Variants in SLC25A21 observed in about 807,000 individuals in gnomAD.
The protein encoded by SLC25A21 is solute carrier family 25 member 21.
A neutral mutation model predicts 43.8 loss-of-function variants in SLC25A21; 47 were observed. That is an observed-to-expected ratio of 1.07 (90% CI 0.85 to 1.37). SLC25A21 has a LOEUF of 1.37. Ranked by LOEUF, SLC25A21 falls within the 40% of genes most tolerant of loss-of-function variation. The pLI, the probability that SLC25A21 is intolerant of heterozygous loss-of-function variation, is 0.00. For synonymous variants in SLC25A21, 131 were observed against 121.3 expected (o/e 1.08, Z -0.52); for missense variants, 352 against 350.2 (o/e 1.00, Z -0.04).
intron 1 of SLC25A21, among the ~76,000 whole-genome samples, chr14:36,920,142 T>G (rs1891941372): frequency 6.6e-6 from 1 of 152,040 alleles, no homozygotes; most frequent in Admixed American, 6.6e-5. Context: ...TTAAGATTCT[T>G]TTTTCTATTT....
At chr14:37,122,999 C>T (rs1246506210) in intron 1 of SLC25A21, among the ~76,000 whole-genome samples, 2 of 152,176 alleles carry the variant, frequency 1.3e-5, no homozygotes, top group African/African-American at 4.8e-5. Context: ...TTCTCAAAAG[C>T]TGAAGTGAAA....
At chr14:36,809,949 G>A (rs1290760621) in intron 3 of SLC25A21, among the ~76,000 whole-genome samples, 1 of 152,068 alleles carries the variant, frequency 6.6e-6, no homozygotes, top group Non-Finnish European at 1.5e-5. Flanking sequence ...TTTAACTAGG[G>A]AAAAAAATTA....
chr14:37,055,474 C>T (rs965898655), intron 1 of SLC25A21, among the ~76,000 whole-genome samples: 4 of 152,146 alleles, frequency 2.6e-5, no homozygotes, highest in African/African-American at 9.7e-5. Flanking sequence ...TAGCAGCTTC[C>T]TTGACCCAAG....
chr14:36,995,752 T>C (rs1960358065), intron 1 of SLC25A21, among the ~76,000 whole-genome samples: 2 of 152,298 alleles, frequency 1.3e-5, no homozygotes, highest in Middle Eastern at 3.4e-3. Flanking sequence ...CTGAATTAAA[T>C]GGTATGTGGA....
intron 1 of SLC25A21, among the ~76,000 whole-genome samples, chr14:37,053,065 T>A (rs536887925): frequency 6.6e-6 from 1 of 152,342 alleles, no homozygotes; most frequent in African/African-American, 2.4e-5. Context: ...ATCTGTTTTA[T>A]TTTGAGATAG....
At chr14:37,150,700 T>C (rs532884912) in intron 1 of SLC25A21, among the ~76,000 whole-genome samples, 1 of 152,278 alleles carries the variant, frequency 6.6e-6, no homozygotes, top group South Asian at 2.1e-4. Flanking sequence ...TCTGCACAAG[T>C]ACAGAATAGT....
intron 1 of SLC25A21, among the ~76,000 whole-genome samples, chr14:37,132,333 G>C (rs1231619817): frequency 6.6e-6 from 1 of 152,128 alleles, no homozygotes; most frequent in Non-Finnish European, 1.5e-5. Flanking sequence ...AAGCAGAGGA[G>C]CTGGAATTCA....
intron 1 of SLC25A21, among the ~76,000 whole-genome samples, chr14:37,134,087 C>G (rs911525061): frequency 1.3e-5 from 2 of 152,054 alleles, no homozygotes; most frequent in Non-Finnish European, 2.9e-5. Context: ...AATCAAAAAG[C>G]TATAAACTAT....
chr14:37,133,662 A>T (rs1304444395), intron 1 of SLC25A21, among the ~76,000 whole-genome samples: 1 of 149,692 alleles, frequency 6.7e-6, no homozygotes, highest in African/African-American at 2.5e-5. Context: ...GCCCTAACCC[A>T]CCTCTATAAC....
rs139067554 is a variant in SLC25A21, at chr14:36,904,505, C to T, written c.71-29501G>A. Among the ~76,000 whole-genome samples the T allele has an allele frequency of 3.2e-3, 489 of 152,270 alleles. 3 individuals carry two copies. Among genetic ancestry groups the T allele is most frequent in the African/African-American group, 0.011 (458 of 41,550 alleles). On this transcript the variant is annotated intron_variant, in intron 1 of 9. Coordinates refer to ENST00000331299, the MANE Select transcript of SLC25A21 (RefSeq NM_030631.4). ...AAGGAAGTTCTTGATTTTTCTCCCT[C>T]TTCAATCAAATGTTCTCTCGTTGTA...
intron 1 of SLC25A21, among the ~76,000 whole-genome samples, chr14:36,982,116 T>A (rs1960038889): frequency 6.9e-6 from 1 of 145,142 alleles, no homozygotes; most frequent in South Asian, 2.1e-4. Flanking sequence ...ACTGTCAACA[T>A]GATGTGATCT....
At chr14:36,956,160 GT>G (rs1316354837) in intron 1 of SLC25A21, among the ~76,000 whole-genome samples, 3 of 152,170 alleles carry the variant, frequency 2.0e-5, no homozygotes, top group African/African-American at 4.8e-5. Flanking sequence ...GAGCCTCGGA[GT>G]TAAGAGAGTC....
At position 37,040,359 on chromosome 14, in the gene SLC25A21, A is replaced by AAGAG. The variant is rs536517266; in HGVS notation, c.70+131918_70+131921dup. Among the ~76,000 whole-genome samples, 241 of 40,134 alleles carry AAGAG rather than the reference A, an allele frequency of 6.0e-3. 46 individuals carry two copies. The highest frequency in any genetic ancestry group is 0.046 in the Admixed American group (179 of 3,902). The allele number at this position is 40,134 out of a possible 152,430, so 26.3% of individuals were successfully genotyped here. The stretch of plus-strand genomic sequence containing the variant: ...AAGGAAGGAAGGAAGGAAGGAAAGA[A>AAGAG]AGAGAGAGAGAGAGAGAAAGAAAGA... On this transcript the variant is annotated intron_variant, in intron 1 of 9. Coordinates refer to ENST00000331299, the MANE Select transcript of SLC25A21 (RefSeq NM_030631.4).
At chr14:37,170,208 G>A (rs1019179172) in intron 1 of SLC25A21, among the ~76,000 whole-genome samples, 3 of 151,080 alleles carry the variant, frequency 2.0e-5, no homozygotes, top group African/African-American at 7.3e-5. Flanking sequence ...GCTGATTTTT[G>A]TATTTTTAGT....
rs528998139 is a variant in SLC25A21 at position 36,978,959 on chromosome 14, G to T, written c.71-103955C>A. On this transcript the variant is annotated intron_variant, in intron 1 of 9. Coordinates refer to ENST00000331299, the MANE Select transcript of SLC25A21 (RefSeq NM_030631.4). ...AAAAATTAGCCAGACGTGCTGCCAC[G>T]CACCTGCAATCCCAGCTACTCAGGA... 7.9e-5 allele frequency among the ~76,000 whole-genome samples: 12 copies of T among 152,238 alleles called. No individual in the cohort carries two copies. The South Asian group carries it at 1.5e-3, about 18-fold the overall frequency.
intron 1 of SLC25A21, among the ~76,000 whole-genome samples, chr14:37,064,415 T>C (rs995914820): frequency 6.7e-6 from 1 of 149,244 alleles, no homozygotes; most frequent in African/African-American, 2.4e-5. Context: ...AATTCTCTTG[T>C]CTCTCTCTCT....
At chr14:36,802,397 C>T (rs1346514726) in intron 3 of SLC25A21, among the ~76,000 whole-genome samples, 1 of 151,976 alleles carries the variant, frequency 6.6e-6, no homozygotes, top group Non-Finnish European at 1.5e-5. Context: ...TAATTGGCTA[C>T]AATATAAGGT....
intron 1 of SLC25A21, among the ~76,000 whole-genome samples, chr14:37,044,179 A>G (rs2180600): frequency 0.41 from 61,748 of 151,636 alleles, 13,595 homozygotes; most frequent in African/African-American, 0.59. Context: ...ACTCAAGCAG[A>G]TAAAGGAACA....
chr14:36,939,309 G>A (rs200206636), intron 1 of SLC25A21, among the ~76,000 whole-genome samples: 4 of 151,384 alleles, frequency 2.6e-5, no homozygotes, highest in East Asian at 3.9e-4. Context: ...AGCCAGGGGT[G>A]GGGGGGGAAT....
Sources: gnomAD v4.1 joint callset for allele counts (sites outside exome capture counted in the v4.1 genomes callset) on GRCh38, gnomAD v4.1.1 for gene constraint, MANE v1.5 for transcripts, NCBI Gene and HGNC (gene_info 2026-07-23, HGNC 2026-07-21) for gene names.